The following TEX11 variants were observed in gnomAD, a reference collection of about 807,000 sequenced individuals.
The protein encoded by TEX11 is testis expressed 11.
A neutral mutation model predicts 84.4 loss-of-function variants in TEX11; 7 were observed. The ratio of observed to expected loss-of-function variants is 0.08; its 90% CI spans 0.05 to 0.16. The LOEUF is 0.16. Ranked by LOEUF, TEX11 falls within the 10% of genes least tolerant of loss-of-function variation. TEX11 has a pLI of 1.00. For synonymous variants in TEX11, 264 were observed against 222.8 expected (o/e 1.18, Z -1.64); for missense variants, 551 against 660.5 (o/e 0.83, Z 1.82).
chrX:70,758,396 C>G (rs1290584748), intron 9 of TEX11, among the ~76,000 whole-genome samples: 1 of 111,573 alleles, frequency 9.0e-6, no homozygotes, highest in Non-Finnish European at 1.9e-5. Flanking sequence ...TCAGCAAACA[C>G]AAAAGAAAAG....
chrX:70,616,455 C>CA (rs2089318485), intron 20 of TEX11, among the ~76,000 whole-genome samples: 2 of 110,853 alleles, frequency 1.8e-5, no homozygotes, highest in South Asian at 7.7e-4. Flanking sequence ...GATACACACA[C>CA]AAAAAAACAA....
At chrX:70,632,824 T>C (rs766232185) in intron 17 of TEX11, among the ~76,000 whole-genome samples, 1 of 111,340 alleles carries the variant, frequency 9.0e-6, no homozygotes, top group East Asian at 2.8e-4. Context: ...ACAACTTAGA[T>C]GAAACAAATT....
intron 26 of TEX11, among the ~76,000 whole-genome samples, chrX:70,553,623 G>A (rs1274939701): frequency 9.0e-6 from 1 of 111,463 alleles, no homozygotes; most frequent in Non-Finnish European, 1.9e-5. Context: ...GGGATTACCA[G>A]GTAACATCCT....
At chrX:70,597,672 A>C (rs1483395833) in intron 24 of TEX11, among the ~76,000 whole-genome samples, 1 of 112,170 alleles carries the variant, frequency 8.9e-6, no homozygotes. Context: ...AAACCTTACA[A>C]GAAAACATTG....
chrX:70,625,279 A>C (rs1019382333), intron 18 of TEX11, among the ~76,000 whole-genome samples: 1 of 110,397 alleles, frequency 9.1e-6, no homozygotes, highest in Non-Finnish European at 1.9e-5. Context: ...CTCTATTCCC[A>C]AAAGTCTCCA....
chrX:70,647,023 T>C (rs964620229), intron 17 of TEX11, among the ~76,000 whole-genome samples: 1 of 111,552 alleles, frequency 9.0e-6, no homozygotes, highest in Non-Finnish European at 1.9e-5. Flanking sequence ...ATCTGGTGTA[T>C]ATATAGACAA....
At chrX:70,731,274 G>A (rs1171227378) in intron 11 of TEX11, among the ~76,000 whole-genome samples, 1 of 111,302 alleles carries the variant, frequency 9.0e-6, no homozygotes, top group African/African-American at 3.3e-5. Context: ...ACATGCAAAA[G>A]CTAACAGAAG....
At chrX:70,573,006 A>G (rs1175873092) in intron 25 of TEX11, among the ~76,000 whole-genome samples, 3 of 111,689 alleles carry the variant, frequency 2.7e-5, no homozygotes, top group South Asian at 3.8e-4. Context: ...TATAATAAAT[A>G]AATAAATAAA....
chrX:70,785,969 G>C (rs2091075995), intron 9 of TEX11, among the ~76,000 whole-genome samples: 1 of 111,868 alleles, frequency 8.9e-6, no homozygotes, highest in African/African-American at 3.2e-5. Context: ...CCATTACTGG[G>C]TATATACCCA....
At chrX:70,781,840 A>G (rs1201773025) in intron 9 of TEX11, among the ~76,000 whole-genome samples, 4 of 111,872 alleles carry the variant, frequency 3.6e-5, no homozygotes, top group Admixed American at 1.9e-4. Context: ...TCTACGTTTG[A>G]TTGGTGTCCC....
intron 9 of TEX11, among the ~76,000 whole-genome samples, chrX:70,765,870 C>T (rs968177746): frequency 8.9e-6 from 1 of 112,013 alleles, no homozygotes; most frequent in Non-Finnish European, 1.9e-5. Context: ...GATATAATGT[C>T]ACATTTGGAA....
At chrX:70,713,738 A>C (rs1243979313) in intron 13 of TEX11, among the ~76,000 whole-genome samples, 1 of 110,850 alleles carries the variant, frequency 9.0e-6, no homozygotes, top group East Asian at 2.8e-4. Context: ...TTTTCAAAAA[A>C]CCAGCTCCTG....
At chrX:70,899,793 A>G (rs1385094360) in intron 2 of TEX11, among the ~76,000 whole-genome samples, 1 of 93,304 alleles carries the variant, frequency 1.1e-5, no homozygotes, top group Non-Finnish European at 2.1e-5. Flanking sequence ...GTGCATACCT[A>G]TACGTTCATG....
downstream of TEX11, among the ~76,000 whole-genome samples, chrX:70,524,597 C>T (rs892099760): frequency 6.2e-5 from 7 of 112,520 alleles, no homozygotes; most frequent in South Asian, 3.6e-4. Context: ...GATGGAGTTT[C>T]GCTCGTTGCC....
chrX:70,577,347 T>A (rs1184054823), intron 25 of TEX11, among the ~76,000 whole-genome samples: 1 of 111,609 alleles, frequency 9.0e-6, no homozygotes, highest in East Asian at 2.8e-4. Context: ...TGACTAAACA[T>A]ATCAGCATAA....
At chrX:70,700,074 C>T (rs1275729701) in intron 13 of TEX11, among the ~76,000 whole-genome samples, 1 of 108,066 alleles carries the variant, frequency 9.3e-6, no homozygotes, top group African/African-American at 3.4e-5. Flanking sequence ...CATTTTATTG[C>T]ACTTCTCTTT....
chrX:70,748,739 G>A (rs745754045), intron 9 of TEX11, among the ~76,000 whole-genome samples: 37 of 96,909 alleles, frequency 3.8e-4, no homozygotes, highest in African/African-American at 1.4e-3. Flanking sequence ...GTAGATATGC[G>A]GCGTTATTTC....
intron 9 of TEX11, among the ~76,000 whole-genome samples, chrX:70,804,032 A>G (rs1368133161): frequency 5.4e-5 from 6 of 111,320 alleles, no homozygotes; most frequent in African/African-American, 1.6e-4. Context: ...AAAGATGTAG[A>G]TGTTTGTTTT....
At chrX:70,811,835 T>C (rs1298178518) in intron 8 of TEX11, among the ~76,000 whole-genome samples, 1 of 111,897 alleles carries the variant, frequency 8.9e-6, no homozygotes, top group Non-Finnish European at 1.9e-5. Context: ...TTTTGAGAAG[T>C]GTCTGTTCAT....
Sources: gnomAD v4.1 joint callset for allele counts (sites outside exome capture counted in the v4.1 genomes callset) on GRCh38, gnomAD v4.1.1 for gene constraint, MANE v1.5 for transcripts, NCBI Gene and HGNC (gene_info 2026-07-23, HGNC 2026-07-21) for gene names.